FBXO9: variants seen among roughly 807,000 people sequenced by gnomAD.
FBXO9 encodes the protein F-box only protein 9.
In FBXO9, 43 loss-of-function variants were observed where a neutral mutation model predicts 63.7. That is an observed-to-expected ratio of 0.67 (90% CI 0.53 to 0.87). The LOEUF (loss-of-function observed/expected upper bound fraction) is 0.87, where lower values mean the gene tolerates loss of function less well. Ranked by LOEUF, FBXO9 falls within the 40% of genes least tolerant of loss-of-function variation. The pLI, the probability that FBXO9 is intolerant of heterozygous loss-of-function variation, is 0.00. For missense variants in FBXO9, 442 were observed against 533.2 expected, an observed-to-expected ratio of 0.83 and a Z score of 1.68; for synonymous variants, 156 against 171.7, an observed-to-expected ratio of 0.91 and a Z score of 0.72.
chr6:53,082,489 G>A lies in FBXO9; in HGVS notation c.539-15G>A. ...ACATAGAGGAGAGTCACTGAAGGAT[G>A]ATTTTCTTTTGCAGTGCTGCCAATG... On this transcript the variant is annotated splice_polypyrimidine_tract_variant and intron_variant, in intron 6 of 12. Coordinates refer to ENST00000323557, the MANE Select transcript of FBXO9 (RefSeq NM_033480.3). 2 of 1,572,562 alleles carry A rather than the reference G, an allele frequency of 1.3e-6. No individual in the cohort carries two copies. The highest frequency in any genetic ancestry group is 1.7e-6 in the Non-Finnish European group (2 of 1,144,180).
chr6:53,081,739 G>A (rs544309395), intron 6 of FBXO9, among the ~76,000 whole-genome samples: 1 of 152,360 alleles, frequency 6.6e-6, no homozygotes, highest in Admixed American at 6.5e-5. Flanking sequence ...AGCCATGTTG[G>A]ACAATTGTCC....
In FBXO9 at chr6:53,093,297, A is replaced by G. The variant is rs1377597605; in HGVS notation, c.864-169A>G. 6.2e-6 allele frequency: 3 copies of G among 480,104 alleles called. No individual in the cohort carries two copies. In the East Asian group the frequency reaches 9.6e-5, roughly 15 times the overall value. 29.7% of individuals were successfully genotyped at this position (480,104 alleles called of 1,614,324 possible). A position where few individuals can be genotyped will look rare whatever the true frequency, so the allele number is the denominator to read the frequency against. On this transcript the variant is annotated intron_variant, in intron 9 of 12. Coordinates refer to ENST00000323557, the MANE Select transcript of FBXO9 (RefSeq NM_033480.3). The stretch of plus-strand genomic sequence containing the variant: ...AATATCTTTGGTTCTTTGTTGCTGG[A>G]CTAACAGGTAGTCAGTAATATTTGT...
At position 53,071,256 on chromosome 6, in the gene FBXO9, CT is replaced by C. The variant is rs971387195; in HGVS notation, c.90+114del. On this transcript the variant is annotated intron_variant, in intron 2 of 12. Transcript: ENST00000323557. Reference sequence around the variant, plus strand: ...TTATTACTGTTTGCATGGAATTTAACTGTTTCCATACTGGTTTATAGAATAC... The same window carrying C: ...TTATTACTGTTTGCATGGAATTTAACGTTTCCATACTGGTTTATAGAATAC... 17 of 994,738 alleles carry C rather than the reference CT, an allele frequency of 1.7e-5. No individual in the cohort carries two copies. The African/African-American group carries it at 2.1e-4, about 12-fold the overall frequency. The allele number at this position is 994,738 out of a possible 1,614,324, so 61.6% of individuals were successfully genotyped here.
At position 53,100,685 on chromosome 6, in the gene FBXO9, T is replaced by TA. The variant is rs1255004149; in HGVS notation, c.*2860dup. ...ATCTTTTGATTATTCTGTGCATCTATAAAAATGGGATTATATTGTACAGAA... is the reference window on the plus strand; with the variant it reads ...ATCTTTTGATTATTCTGTGCATCTATAAAAAATGGGATTATATTGTACAGAA... On this transcript the variant is annotated 3_prime_UTR_variant, in exon 13 of 13. Coordinates refer to ENST00000323557, the MANE Select transcript of FBXO9 (RefSeq NM_033480.3). 6.6e-6 allele frequency: 1 copy of TA among 152,178 alleles called. No homozygotes were observed. The highest frequency in any genetic ancestry group is 1.5e-5 in the Non-Finnish European group (1 of 68,028). The allele number at this position is 152,178 out of a possible 1,614,324, so 9.4% of individuals were successfully genotyped here. A position where few individuals can be genotyped will look rare whatever the true frequency, so the allele number is the denominator to read the frequency against.
chr6:53,090,665 T>C (rs1173234224), intron 7 of FBXO9, among the ~76,000 whole-genome samples: 1 of 152,140 alleles, frequency 6.6e-6, no homozygotes, highest in Admixed American at 6.5e-5. Context: ...CTAAATAGTT[T>C]TTGCTTCATT....
intron 1 of FBXO9, among the ~76,000 whole-genome samples, chr6:53,066,824 TAAAAGG>T (rs1047724082): frequency 4.6e-5 from 7 of 152,136 alleles, no homozygotes; most frequent in Non-Finnish European, 1.0e-4. Flanking sequence ...TTATGAAAAA[TAAAAGG>T]AAAACCTCCA....
chr6:53,089,065 T>G lies in FBXO9; in HGVS notation c.654-3364T>G, dbSNP rs931517029. Among the ~76,000 whole-genome samples the G allele has an allele frequency of 6.6e-5, 10 of 150,710 alleles. No individual in the cohort carries two copies. In the Middle Eastern group the frequency reaches 0.01, roughly 155 times the overall value. On this transcript the variant is annotated intron_variant, in intron 7 of 12. Transcript: ENST00000323557. ...CCTCTGTAGCCCTAGTGGGGTTTTT[T>G]TTTGTTTGTTTTTGTTTTTTTTTTT... is the stretch of plus-strand genomic sequence containing the variant.
At chr6:53,076,569 A>G (rs1216789152) in intron 4 of FBXO9, 26 bp downstream of exon 4, 3 of 1,473,714 alleles carry the variant, frequency 2.0e-6, no homozygotes, top group Non-Finnish European at 2.7e-6. Flanking sequence ...CCAGGTTCAT[A>G]TCATAACATT....
At position 53,080,985 on chromosome 6, in the gene FBXO9, A is replaced by G; in HGVS notation, c.425A>G (p.Asp142Gly). ...VGNSYIEDNDDDSKMADLLSY... is the reference protein window; with the variant it reads ...VGNSYIEDNDGDSKMADLLSY... ...TTTTTCAGCATTGAAGATAATGATG[A>G]TGACAGCAAAATGGCAGATCTCTTG... is the stretch of plus-strand genomic sequence containing the variant. The change falls in exon 6 of 13, where the codon GAT (aspartate) becomes GGT (glycine). Residue 142 changes from aspartate (D) to glycine (G), a missense_variant. Physicochemically the swap from Asp to Gly is moderately conservative, Grantham distance 94. Around this residue, in one of 2 missense-constraint regions of FBXO9, gnomAD observed 180 missense variants for 171.1 expected, o/e 1.05. Transcript: ENST00000323557. 1.2e-6 allele frequency: 2 copies of G among 1,613,812 alleles called. No individual in the cohort carries two copies. The highest frequency in any genetic ancestry group is 1.7e-6 in the Non-Finnish European group (2 of 1,179,874).
chr6:53,083,760 G>T (rs1364323633), intron 7 of FBXO9, among the ~76,000 whole-genome samples: 2 of 152,170 alleles, frequency 1.3e-5, no homozygotes, highest in Non-Finnish European at 2.9e-5. Context: ...CTTTGTCAGG[G>T]TTTTCTTAAC....
At chr6:53,088,692 G>A (rs1409183346) in intron 7 of FBXO9, among the ~76,000 whole-genome samples, 5 of 151,632 alleles carry the variant, frequency 3.3e-5, no homozygotes, top group East Asian at 1.9e-4. Flanking sequence ...TCCGCCTTGC[G>A]GGTTCAGGCG....
rs191293470 is a variant in FBXO9, at chr6:53,096,606, T to C, written c.1205+942T>C. Among the ~76,000 whole-genome samples the C allele has an allele frequency of 4.7e-4, 72 of 152,272 alleles. No homozygotes were observed. The Middle Eastern group carries it at 0.014, about 29-fold the overall frequency. On this transcript the variant is annotated intron_variant, in intron 12 of 12. Coordinates refer to ENST00000323557, the MANE Select transcript of FBXO9 (RefSeq NM_033480.3). ...GCTGTGGGATTTTTTTTTTCTACTT[T>C]TCAAAGAAAGAAACCTGAGCAGGTG...
Position 53,097,880 on chromosome 6 carries a change from C to A in FBXO9, c.*50C>A. On this transcript the variant is annotated 3_prime_UTR_variant, in exon 13 of 13. Transcript: ENST00000323557. ...CTTTTGCATGAATTAAAGTATATAG[C>A]GCAAAAGAGCACCTAAGTTATAAAT... The A allele has an allele frequency of 3.5e-6, 3 of 855,802 alleles. No homozygotes were observed. Among genetic ancestry groups the A allele is most frequent in the Non-Finnish European group, 3.4e-6 (2 of 588,564 alleles). 53.0% of individuals were successfully genotyped at this position (855,802 alleles called of 1,614,324 possible).
intron 5 of FBXO9, among the ~76,000 whole-genome samples, chr6:53,080,337 A>G (rs1769269639): frequency 1.3e-5 from 2 of 150,620 alleles, no homozygotes; most frequent in South Asian, 4.2e-4. Flanking sequence ...AGTCTACATC[A>G]CTTGAAACTT....
intron 2 of FBXO9, among the ~76,000 whole-genome samples, chr6:53,072,313 G>C (rs889108596): frequency 1.6e-4 from 25 of 152,170 alleles, no homozygotes; most frequent in African/African-American, 5.8e-4. Flanking sequence ...GGGTTCCCCA[G>C]GAAGCAGACT....
intron 5 of FBXO9, 89 bp from the exon 6 acceptor site, chr6:53,080,879 A>G: frequency 1.3e-6 from 2 of 1,481,830 alleles, no homozygotes; most frequent in Non-Finnish European, 1.8e-6. Context: ...CTTTTTGTAA[A>G]GCAAATTTGA....
At chr6:53,082,017 T>C (rs900426388) in intron 6 of FBXO9, among the ~76,000 whole-genome samples, 1 of 152,008 alleles carries the variant, frequency 6.6e-6, no homozygotes, top group Non-Finnish European at 1.5e-5. Context: ...TGCAGTGAGC[T>C]GAGATTGTAT....
chr6:53,080,333 C>T (rs1314916026), intron 5 of FBXO9, among the ~76,000 whole-genome samples: 2 of 150,704 alleles, frequency 1.3e-5, no homozygotes, highest in Non-Finnish European at 3.0e-5. Context: ...TTTAAGTCTA[C>T]ATCACTTGAA....
intron 12 of FBXO9, 32 bp from the exon 13 acceptor site, chr6:53,097,690 C>A: frequency 7.8e-7 from 1 of 1,286,914 alleles, no homozygotes; most frequent in Non-Finnish European, 1.1e-6. Flanking sequence ...GAAATTTCCT[C>A]ATACTAGTAA....
Sources: allele counts gnomAD v4.1 joint callset (sites outside exome capture counted in the v4.1 genomes callset), GRCh38; gene constraint gnomAD v4.1.1; regional missense constraint gnomAD v4.1.1; transcripts MANE v1.5; gene names NCBI Gene and HGNC (gene_info 2026-07-23, HGNC 2026-07-21).